The following ADGRV1 variants were observed in gnomAD, a reference collection of about 807,000 sequenced individuals.
The protein encoded by ADGRV1 is G-protein coupled receptor 98.
ADGRV1 carries 359 observed loss-of-function variants against 596.2 expected under a neutral mutation model. The observed-to-expected ratio is 0.60, with a 90% CI of 0.55 to 0.66. The LOEUF is 0.66. Among genes scored for constraint, ADGRV1 ranks in the 30% least tolerant of loss-of-function variants. The probability of loss-of-function intolerance (pLI) is 0.00; values close to 1 mark genes in which losing one functional copy is unlikely to be tolerated. For synonymous variants in ADGRV1, 2,681 were observed against 2,679.2 expected, an observed-to-expected ratio of 1.00 and a Z score of -0.02; for missense variants, 7,274 against 7,575.6, an observed-to-expected ratio of 0.96 and a Z score of 1.48.
At chr5:90,644,942 A>G (rs982096177) in intron 15 of ADGRV1, 73 bp downstream of exon 15, 174 of 1,033,184 alleles carry the variant, frequency 1.7e-4, no homozygotes, top group Non-Finnish European at 2.2e-4. Context: ...AAATAATTAA[A>G]CATCTGGTAA....
chr5:90,607,867 G>A (rs1194440383), intron 1 of ADGRV1, among the ~76,000 whole-genome samples: 1 of 151,980 alleles, frequency 6.6e-6, no homozygotes, highest in Non-Finnish European at 1.5e-5. Flanking sequence ...AGATGATGAA[G>A]AATTACCAGA....
chr5:90,734,368 G>A (rs2460178), intron 50 of ADGRV1, among the ~76,000 whole-genome samples: 116,685 of 152,092 alleles, frequency 0.77, 45,442 homozygotes, highest in African/African-American at 0.9. Context: ...ACTAGTTTAC[G>A]TTTCTACCAA....
intron 89 of ADGRV1, among the ~76,000 whole-genome samples, chr5:91,158,893 ATG>A (rs1796707026): frequency 6.6e-6 from 1 of 151,912 alleles, no homozygotes; most frequent in Non-Finnish European, 1.5e-5. Context: ...GGATGGATGG[ATG>A]GATGGATAGA....
intron 34 of ADGRV1, among the ~76,000 whole-genome samples, chr5:90,703,391 G>C (rs1483656334): frequency 1.3e-5 from 2 of 152,020 alleles, no homozygotes; most frequent in Admixed American, 1.3e-4. Flanking sequence ...GTTTTGGAGT[G>C]TATAAAAGTT....
rs1203018290 is a variant in ADGRV1 at position 90,646,070 on chromosome 5, G to A, written c.3001G>A (p.Asp1001Asn). The change falls in exon 16 of 90, where the codon GAT becomes AAT. Residue 1001 changes from aspartate (D) to asparagine (N), a missense_variant. Around this residue, in one of 5 missense-constraint regions of ADGRV1, gnomAD observed 1,715 missense variants for 1,708.8 expected, o/e 1.00. Coordinates refer to ENST00000405460, the MANE Select transcript of ADGRV1 (RefSeq NM_032119.4). Reference sequence around the variant, plus strand: ...TGCAACTCTGAGGATTAGAAGAAATGATGACCCCATTTATTTTGCAGGTGG... The same window carrying A: ...TGCAACTCTGAGGATTAGAAGAAATAATGACCCCATTTATTTTGCAGGTGG... ...TTATLRIRRN[D>N]DPIYFAEPRV... 4.0e-5 allele frequency: 63 copies of A among 1,584,166 alleles called. No individual in the cohort carries two copies. Among genetic ancestry groups the A allele is most frequent in the Non-Finnish European group, 5.3e-5 (62 of 1,164,296 alleles).
At chr5:90,691,170 AT>A in intron 31 of ADGRV1, 129 bp downstream of exon 31, 4 of 1,196,100 alleles carry the variant, frequency 3.3e-6, no homozygotes, top group Non-Finnish European at 3.7e-6. Flanking sequence ...TGTTCAAACT[AT>A]GCTAGTGTGA....
intron 83 of ADGRV1, among the ~76,000 whole-genome samples, chr5:90,951,270 T>C (rs962922686): frequency 3.9e-5 from 6 of 152,182 alleles, no homozygotes; most frequent in East Asian, 1.9e-4. Context: ...CAAAACTGAA[T>C]TGGGGACAAG....
chr5:90,901,273 G>A (rs1191796675), intron 83 of ADGRV1, among the ~76,000 whole-genome samples: 1 of 152,164 alleles, frequency 6.6e-6, no homozygotes, highest in South Asian at 2.1e-4. Context: ...GTTCATAAAT[G>A]TGGAGCATTT....
At chr5:90,772,814 G>T (rs145617165) in intron 59 of ADGRV1, among the ~76,000 whole-genome samples, 2 of 152,292 alleles carry the variant, frequency 1.3e-5, no homozygotes, top group East Asian at 3.9e-4. Context: ...AATAGCCATT[G>T]TCAGATAAAT....
intron 86 of ADGRV1, among the ~76,000 whole-genome samples, chr5:91,073,810 T>C (rs1788602616): frequency 6.6e-6 from 1 of 152,146 alleles, no homozygotes; most frequent in South Asian, 2.1e-4. Flanking sequence ...CAATTCTCCT[T>C]CCTCAGCCTC....
chr5:90,716,346 T>G (rs1457260088), intron 42 of ADGRV1, 121 bp from the exon 43 acceptor site: 3 of 608,186 alleles, frequency 4.9e-6, no homozygotes, highest in South Asian at 3.4e-5. Context: ...TTTAAGATCA[T>G]CTTAAGACAA....
At position 90,690,026 on chromosome 5, in the gene ADGRV1, C is replaced by G. The variant is rs1363769078; in HGVS notation, c.6656C>G (p.Thr2219Arg). The change falls in exon 30 of 90, where the codon ACA (threonine) becomes AGA (arginine). Residue 2219 changes from threonine to arginine, a missense_variant. Transcript: ENST00000405460. ...GGAGGAGCCAGACTAGGGGCTTTAA[C>G]AGAGGCAGTCATTATTATTGAGGCC... ...TTGGARLGAL[T>R]EAVIIIEASD... 1 of 1,594,574 alleles carries G rather than the reference C, an allele frequency of 6.3e-7. No homozygotes were observed. The highest frequency in any genetic ancestry group is 8.6e-7 in the Non-Finnish European group (1 of 1,169,486).
Position 90,725,001 on chromosome 5 carries a change from T to G in ADGRV1, c.9906+12T>G. 6.3e-7 allele frequency: 1 copy of G among 1,576,414 alleles called. No homozygotes were observed. Among genetic ancestry groups the G allele is most frequent in the Non-Finnish European group, 8.6e-7 (1 of 1,163,866 alleles). On this transcript the variant is annotated intron_variant, in intron 46 of 89. Transcript: ENST00000405460. ...TTATTCCAGTTGAGGTAAACATCAGTATTTTTTTATAGTACAAAAATAAAA... is the reference window on the plus strand; with the variant it reads ...TTATTCCAGTTGAGGTAAACATCAGGATTTTTTTATAGTACAAAAATAAAA...
chr5:90,658,801 C>T (rs1769809040), intron 21 of ADGRV1, among the ~76,000 whole-genome samples: 1 of 151,680 alleles, frequency 6.6e-6, no homozygotes, highest in Non-Finnish European at 1.5e-5. Context: ...GTCTTACTGT[C>T]CTTATCAGTT....
intron 1 of ADGRV1, among the ~76,000 whole-genome samples, chr5:90,610,690 A>G (rs1188358986): frequency 6.6e-6 from 1 of 152,008 alleles, no homozygotes; most frequent in Non-Finnish European, 1.5e-5. Context: ...TTATCCTAAT[A>G]TGAGTTTGCA....
At chr5:90,710,909 C>A in intron 39 of ADGRV1, 72 bp from the exon 40 acceptor site, 3 of 883,866 alleles carry the variant, frequency 3.4e-6, no homozygotes, top group South Asian at 1.6e-5. Context: ...AAGGGACTGT[C>A]TTTAAATCCT....
At chr5:90,766,056 C>T (rs1371497094) in intron 59 of ADGRV1, among the ~76,000 whole-genome samples, 2 of 151,978 alleles carry the variant, frequency 1.3e-5, no homozygotes, top group East Asian at 3.9e-4. Context: ...ACTACAGGCG[C>T]CCGCCACCAC....
chr5:91,080,645 C>T (rs1252286144), intron 86 of ADGRV1, among the ~76,000 whole-genome samples: 3 of 147,208 alleles, frequency 2.0e-5, no homozygotes, highest in Non-Finnish European at 4.5e-5. Flanking sequence ...ATTACTCCTT[C>T]ATCTTCTACT....
intron 73 of ADGRV1, among the ~76,000 whole-genome samples, chr5:90,808,897 A>G (rs1762156052): frequency 6.6e-6 from 1 of 151,980 alleles, no homozygotes; most frequent in Non-Finnish European, 1.5e-5. Flanking sequence ...GAGACTCCGT[A>G]TCAAAAACAA....
Sources: gnomAD v4.1 joint callset for allele counts (sites outside exome capture counted in the v4.1 genomes callset) on GRCh38, gnomAD v4.1.1 for gene constraint, gnomAD v4.1.1 regional missense constraint, MANE v1.5 for transcripts, NCBI Gene and HGNC (gene_info 2026-07-23, HGNC 2026-07-21) for gene names.